The following SYN3 variants were observed in gnomAD, a reference collection of about 807,000 sequenced individuals.
SYN3 encodes the protein synapsin-3.
A neutral mutation model predicts 65.8 loss-of-function variants in SYN3; 35 were observed. The ratio of observed to expected loss-of-function variants is 0.53; its 90% CI spans 0.41 to 0.70. The LOEUF (loss-of-function observed/expected upper bound fraction) is 0.70. Ranked by LOEUF, SYN3 falls within the 30% of genes least tolerant of loss-of-function variation. SYN3 has a pLI of 0.00. For synonymous variants in SYN3, 270 were observed against 292.9 expected (o/e 0.92, Z 0.80); for missense variants, 680 against 749.0 (o/e 0.91, Z 1.08).
chr22:32,938,364 T>TA (rs1321963850), intron 3 of SYN3, among the ~76,000 whole-genome samples: 1 of 150,288 alleles, frequency 6.7e-6, no homozygotes, highest in Non-Finnish European at 1.5e-5. Flanking sequence ...CTGTCTCTAC[T>TA]AAAAAATACA....
chr22:32,899,253 G>A (rs964147482), intron 4 of SYN3, among the ~76,000 whole-genome samples: 10 of 152,210 alleles, frequency 6.6e-5, no homozygotes, highest in Admixed American at 3.3e-4. Flanking sequence ...CCACTTTTCT[G>A]ATGCCTATGG....
At chr22:32,891,122 T>C (rs1012194053) in intron 4 of SYN3, among the ~76,000 whole-genome samples, 2 of 152,152 alleles carry the variant, frequency 1.3e-5, no homozygotes, top group East Asian at 3.9e-4. Context: ...TCCAGTTTCT[T>C]AGGTACCAAC....
Position 32,513,531 on chromosome 22 carries a change from G to A in SYN3, c.*161C>T. The A allele has an allele frequency of 2.0e-6, 2 of 977,128 alleles. No homozygotes were observed. The highest frequency in any genetic ancestry group is 2.5e-5 in the East Asian group (1 of 39,370). The allele number at this position is 977,128 out of a possible 1,614,324, so 60.5% of individuals were successfully genotyped here. The stretch of plus-strand genomic sequence containing the variant: ...TGGAATGTCACGGTGAAGGAAAATG[G>A]GAACAAATATAGATAATCGGTTCCT... On this transcript the variant is annotated 3_prime_UTR_variant, in exon 14 of 14. Coordinates refer to ENST00000358763, the MANE Select transcript of SYN3 (RefSeq NM_003490.4).
Position 32,538,219 on chromosome 22 carries a change from C to T in SYN3, c.918-109G>A, listed in dbSNP as rs547196996. 1.6e-4 allele frequency: 142 copies of T among 901,020 alleles called. No homozygotes were observed. The East Asian group carries it at 2.8e-3, about 18-fold the overall frequency. 55.8% of individuals were successfully genotyped at this position (901,020 alleles called of 1,614,324 possible). On this transcript the variant is annotated intron_variant, in intron 8 of 13. Transcript: ENST00000358763. ...GGCTCTGATTCAAATAACTGGCTCA[C>T]GTAATGGCATGTATTCTTACGTACA...
intron 4 of SYN3, among the ~76,000 whole-genome samples, chr22:32,929,702 A>G (rs956852769): frequency 2.5e-4 from 38 of 152,176 alleles, no homozygotes; most frequent in African/African-American, 8.7e-4. Context: ...ATGTTCACCT[A>G]GAAGCTGTAG....
chr22:32,748,985 C>T (rs987351807), intron 6 of SYN3, among the ~76,000 whole-genome samples: 1 of 152,132 alleles, frequency 6.6e-6, no homozygotes, highest in Non-Finnish European at 1.5e-5. Context: ...GCCCCCGCTC[C>T]CAATTCCCTC....
intron 6 of SYN3, among the ~76,000 whole-genome samples, chr22:32,752,328 C>T (rs1209116966): frequency 1.3e-5 from 2 of 152,104 alleles, no homozygotes; most frequent in Non-Finnish European, 2.9e-5. Context: ...TTAGAACATT[C>T]GTCTCCATCC....
intron 1 of SYN3, among the ~76,000 whole-genome samples, chr22:33,034,538 G>A (rs776742159): frequency 3.3e-5 from 5 of 152,046 alleles, no homozygotes; most frequent in South Asian, 2.1e-4. Flanking sequence ...GAGCCACCAC[G>A]CTCGGCCAGT....
chr22:32,763,943 C>CTTT (rs2045556206), intron 6 of SYN3, among the ~76,000 whole-genome samples: 1 of 112,666 alleles, frequency 8.9e-6, no homozygotes, highest in Admixed American at 8.6e-5. Context: ...GCCCCCCCCC[C>CTTT]CTTTTTTTTT....
intron 6 of SYN3, among the ~76,000 whole-genome samples, chr22:32,763,530 C>G (rs1457362086): frequency 4.6e-5 from 7 of 152,172 alleles, no homozygotes; most frequent in Admixed American, 4.6e-4. Context: ...GTCTTCAAGG[C>G]AACCCTACAC....
intron 1 of SYN3, among the ~76,000 whole-genome samples, chr22:33,017,226 G>T (rs1033437999): frequency 6.6e-6 from 1 of 152,112 alleles, no homozygotes; most frequent in African/African-American, 2.4e-5. Flanking sequence ...AAGTGTGTGG[G>T]TTTATTTCTG....
chr22:32,752,922 G>C (rs1174390520), intron 6 of SYN3, among the ~76,000 whole-genome samples: 1 of 152,090 alleles, frequency 6.6e-6, no homozygotes, highest in Non-Finnish European at 1.5e-5. Context: ...GGAAGCCCCA[G>C]AATGCAGCAA....
intron 6 of SYN3, among the ~76,000 whole-genome samples, chr22:32,821,629 G>GAGCGGAGGCCCAGAGA (rs1289203959): frequency 3.3e-5 from 5 of 152,364 alleles, no homozygotes; most frequent in African/African-American, 1.2e-4. Flanking sequence ...TCGGATGGAA[G>GAGCGGAGGCCCAGAGA]AGCGGAGGCC....
chr22:32,807,341 A>G (rs1363054045), intron 6 of SYN3, among the ~76,000 whole-genome samples: 3 of 4,898 alleles, frequency 6.1e-4, no homozygotes, highest in Non-Finnish European at 1.1e-3. Context: ...TTTATATATA[A>G]TATATAAATA....
chr22:32,664,246 T>A lies in SYN3; in HGVS notation c.712-67510A>T, dbSNP rs2060257872. ...TCTGTCAGAAATCCCACCTTATGACTTGGAGATAAGATTTCCCCTTTGCAA... is the reference window on the plus strand; with the variant it reads ...TCTGTCAGAAATCCCACCTTATGACATGGAGATAAGATTTCCCCTTTGCAA... On this transcript the variant is annotated intron_variant, in intron 6 of 13. Transcript: ENST00000358763. Among the ~76,000 whole-genome samples, 4 of 152,296 alleles carry A rather than the reference T, an allele frequency of 2.6e-5. No individual in the cohort carries two copies. The South Asian group carries it at 8.3e-4, about 32-fold the overall frequency.
chr22:32,888,901 T>C lies in SYN3; in HGVS notation c.462-19776A>G, dbSNP rs113946953. 9.7e-4 allele frequency among the ~76,000 whole-genome samples: 148 copies of C among 152,350 alleles called. 1 individual carries two copies. The highest frequency in any genetic ancestry group is 3.3e-3 in the African/African-American group (139 of 41,582). ...TCAAGCATTTCAGATGAGGGATACT[T>C]GATCTCTATTGCCCAGTTTAAGGGA... On this transcript the variant is annotated intron_variant, in intron 4 of 13. Transcript: ENST00000358763.
intron 4 of SYN3, among the ~76,000 whole-genome samples, chr22:32,905,623 G>A (rs1183524778): frequency 6.6e-6 from 1 of 152,234 alleles, no homozygotes; most frequent in African/African-American, 2.4e-5. Context: ...TTAAAGAAGT[G>A]GAGCTTAGGA....
At chr22:32,596,038 C>A (rs1025540123) in intron 7 of SYN3, among the ~76,000 whole-genome samples, 3 of 152,180 alleles carry the variant, frequency 2.0e-5, no homozygotes, top group African/African-American at 7.2e-5. Flanking sequence ...GATCACGCTA[C>A]TGCACACCAG....
At chr22:32,928,302 C>T (rs568668414) in intron 4 of SYN3, among the ~76,000 whole-genome samples, 1 of 152,230 alleles carries the variant, frequency 6.6e-6, no homozygotes, top group African/African-American at 2.4e-5. Context: ...TGCACTCCAG[C>T]CTGGGCGACA....
Sources: gnomAD v4.1 joint callset for allele counts (sites outside exome capture counted in the v4.1 genomes callset) on GRCh38, gnomAD v4.1.1 for gene constraint, MANE v1.5 for transcripts, NCBI Gene and HGNC (gene_info 2026-07-23, HGNC 2026-07-21) for gene names.